Variants in MGAM observed in about 807,000 individuals in gnomAD.
MGAM encodes the protein maltase-glucoamylase.
Under a neutral mutation model 358.8 loss-of-function variants are expected in MGAM, and 253 were observed. That is an observed-to-expected ratio of 0.71 (90% CI 0.64 to 0.78). MGAM has a LOEUF of 0.78. Ranked by LOEUF, MGAM falls within the 30% of genes least tolerant of loss-of-function variation. The probability of loss-of-function intolerance (pLI) is 0.00; values close to 1 mark genes in which losing one functional copy is unlikely to be tolerated. For synonymous variants in MGAM, 1,105 were observed against 1,227.1 expected (o/e 0.90, Z 2.08); for missense variants, 3,080 against 3,432.6 (o/e 0.90, Z 2.57).
chr7:142,062,255 G>T (rs1156389862), intron 34 of MGAM, among the ~76,000 whole-genome samples: 3 of 152,172 alleles, frequency 2.0e-5, no homozygotes, highest in Non-Finnish European at 2.9e-5. Flanking sequence ...ATAGGAAATG[G>T]CAGGACTGAC....
rs913182592 is a variant in MGAM, at chr7:142,105,923, A to G, written c.*32A>G. ...ACAGCAAGATTCTAACTAACTATGA[A>G]TGACTTTGAAACTACTTATACTTCA... On this transcript the variant is annotated 3_prime_UTR_variant, in exon 71 of 71. Coordinates refer to ENST00000475668, the MANE Select transcript of MGAM (RefSeq NM_001365693.1). The G allele has an allele frequency of 6.6e-7, 1 of 1,512,284 alleles. No homozygotes were observed. 93.7% of individuals were successfully genotyped at this position (1,512,284 alleles called of 1,614,324 possible). A position where few individuals can be genotyped will look rare whatever the true frequency, so the allele number is the denominator to read the frequency against.
chr7:141,994,857 C>T (rs781911067), upstream of MGAM, among the ~76,000 whole-genome samples: 3 of 152,194 alleles, frequency 2.0e-5, no homozygotes, highest in Non-Finnish European at 4.4e-5. Flanking sequence ...CTGAGGCCTT[C>T]CCACCCTTGC....
chr7:142,015,914 G>GT lies in MGAM; in HGVS notation c.328-3277dup, dbSNP rs201874672. 6.1e-4 allele frequency among the ~76,000 whole-genome samples: 93 copies of GT among 151,596 alleles called. 1 individual carries two copies. The highest frequency in any genetic ancestry group is 1.7e-3 in the African/African-American group (72 of 41,344). ...TTATATGGTATACTTTTTAAAATGA[G>GT]TTTTTTTTAATGAATCACACAAGTA... is the stretch of plus-strand genomic sequence containing the variant. On this transcript the variant is annotated intron_variant, in intron 3 of 70. Transcript: ENST00000475668.
chr7:142,056,054 G>A lies in MGAM; in HGVS notation c.3538G>A (p.Gly1180Ser), dbSNP rs201783917. The A allele has an allele frequency of 4.7e-5, 75 of 1,611,516 alleles. No homozygotes were observed. Among genetic ancestry groups the A allele is most frequent in the Non-Finnish European group, 5.3e-5 (62 of 1,179,022 alleles). The stretch of plus-strand genomic sequence containing the variant: ...CTACTACATGGGGCTGGAGGAGGAC[G>A]GCAGTGCCCATGGAGTGCTCCTGCT... The part of the protein sequence containing the change: ...HPYYMGLEED[G>S]SAHGVLLLNS... The change falls in exon 29 of 71, where the codon GGC (glycine) becomes AGC (serine). Residue 1180 changes from glycine (G) to serine (S), a missense_variant. Transcript: ENST00000475668.
intron 1 of MGAM, among the ~76,000 whole-genome samples, chr7:141,998,736 T>C (rs113473250): frequency 0.14 from 21,580 of 152,194 alleles, 1,716 homozygotes; most frequent in Middle Eastern, 0.26. Context: ...TGTGTCTTTA[T>C]AGTAGAATGA....
chr7:142,082,690 T>C, intron 52 of MGAM, 119 bp downstream of exon 52: 2 of 819,324 alleles, frequency 2.4e-6, no homozygotes, highest in Non-Finnish European at 3.8e-6. Flanking sequence ...CGGGCACTGC[T>C]GTTTATTTTT....
intron 57 of MGAM, among the ~76,000 whole-genome samples, chr7:142,091,241 ACT>A (rs1815356632): frequency 8.0e-6 from 1 of 125,350 alleles, no homozygotes; most frequent in Admixed American, 8.8e-5. Context: ...ACAGAGCAAG[ACT>A]CTGTCTCAAA....
intron 1 of MGAM, among the ~76,000 whole-genome samples, chr7:142,002,443 A>G (rs1804807565): frequency 6.6e-6 from 1 of 152,194 alleles, no homozygotes; most frequent in South Asian, 2.1e-4. Flanking sequence ...AATGTGATTC[A>G]TCACACAAAC....
chr7:142,096,428 G>T lies in MGAM; in HGVS notation c.7692+13G>T, dbSNP rs1308692159. The stretch of plus-strand genomic sequence containing the variant: ...TGTCCTGGAGCGTGTGAGTATGGAG[G>T]CCTCCGATGAGGGGAGGATCCCAGC... On this transcript the variant is annotated intron_variant, in intron 65 of 70. Transcript: ENST00000475668. The T allele has an allele frequency of 6.2e-7, 1 of 1,613,524 alleles. No individual in the cohort carries two copies. Among genetic ancestry groups the T allele is most frequent in the African/African-American group, 1.3e-5 (1 of 74,918 alleles).
intron 20 of MGAM, 179 bp from the exon 21 acceptor site, chr7:142,040,543 C>T: frequency 1.3e-6 from 1 of 786,644 alleles, no homozygotes; most frequent in Non-Finnish European, 2.0e-6. Context: ...CACAAACCCC[C>T]AACTGGTAGC....
intron 31 of MGAM, 118 bp downstream of exon 31, chr7:142,058,446 T>G: frequency 6.6e-7 from 1 of 1,517,414 alleles, no homozygotes; most frequent in Non-Finnish European, 8.8e-7. Flanking sequence ...TTTCAGACAA[T>G]ATCACAGTTA....
At chr7:142,057,553 T>G (rs1811682099) in intron 30 of MGAM, among the ~76,000 whole-genome samples, 1 of 79,324 alleles carries the variant, frequency 1.3e-5, no homozygotes, top group Non-Finnish European at 2.4e-5. Context: ...GTGGGGGTGG[T>G]AGTGGGGGGT....
intron 4 of MGAM, among the ~76,000 whole-genome samples, chr7:142,019,835 G>A (rs782710900): frequency 1.3e-5 from 2 of 152,144 alleles, no homozygotes; most frequent in Non-Finnish European, 2.9e-5. Context: ...TTGGGAGGCC[G>A]AGGTGGATAG....
chr7:142,050,169 T>G, intron 22 of MGAM, 66 bp from the exon 23 acceptor site: 1 of 1,496,886 alleles, frequency 6.7e-7, no homozygotes, highest in South Asian at 1.1e-5. Context: ...AAAGGAGTGG[T>G]AGGGTGAAAT....
Position 142,005,524 on chromosome 7 carries a change from T to C in MGAM, c.-2-5T>C. Reference sequence around the variant, plus strand: ...AATCTAAAATTGTTTTCTCTTACATTTTAGAGATGGCAAGAAAGAAGCTGA... The same window carrying C: ...AATCTAAAATTGTTTTCTCTTACATCTTAGAGATGGCAAGAAAGAAGCTGA... On this transcript the variant is annotated splice_polypyrimidine_tract_variant and splice_region_variant and intron_variant, in intron 1 of 70. Transcript: ENST00000475668. The C allele has an allele frequency of 6.6e-7, 1 of 1,522,848 alleles. No homozygotes were observed. Among genetic ancestry groups the C allele is most frequent in the Non-Finnish European group, 8.8e-7 (1 of 1,135,380 alleles). The allele number at this position is 1,522,848 out of a possible 1,614,324, so 94.3% of individuals were successfully genotyped here.
At chr7:142,070,882 G>A in intron 43 of MGAM, 112 bp from the exon 44 acceptor site, 2 of 1,365,930 alleles carry the variant, frequency 1.5e-6, no homozygotes, top group Non-Finnish European at 2.0e-6. Context: ...TGTTGCAAAG[G>A]GTGATGAACA....
At chr7:142,014,198 T>C (rs1805801141) in intron 3 of MGAM, among the ~76,000 whole-genome samples, 1 of 152,210 alleles carries the variant, frequency 6.6e-6, no homozygotes, top group Non-Finnish European at 1.5e-5. Context: ...TAGTAAAATG[T>C]GTTTGACACA....
chr7:141,994,309 G>A (rs1454252219), upstream of MGAM, among the ~76,000 whole-genome samples: 3 of 152,178 alleles, frequency 2.0e-5, no homozygotes, highest in Non-Finnish European at 4.4e-5. Context: ...CACAGTGTTG[G>A]CCAAACAAGA....
Position 142,034,352 on chromosome 7 carries a change from G to A in MGAM, c.1760G>A (p.Gly587Asp), listed in dbSNP as rs782205661. The A allele has an allele frequency of 1.0e-5, 16 of 1,590,150 alleles. No homozygotes were observed. The Admixed American group carries it at 1.4e-4, about 14-fold the overall frequency. Reference protein sequence around the residue: ...GKQYDIHNLYGYSMAVATAEA... With the variant: ...GKQYDIHNLYDYSMAVATAEA... ...CAGTATGACATTCACAATCTGTATG[G>A]CTACTCCATGGCGGTCGCCACAGCA... The change falls in exon 15 of 71, where the codon GGC (glycine) becomes GAC (aspartate). Residue 587 changes from glycine to aspartate, a missense_variant. Around this residue, in one of 5 missense-constraint regions of MGAM, gnomAD observed 1,816 missense variants for 1,840.5 expected, o/e 0.99. Transcript: ENST00000475668.
Sources: gnomAD v4.1 joint callset for allele counts (sites outside exome capture counted in the v4.1 genomes callset) on GRCh38, gnomAD v4.1.1 for gene constraint, gnomAD v4.1.1 regional missense constraint, MANE v1.5 for transcripts, NCBI Gene and HGNC (gene_info 2026-07-23, HGNC 2026-07-21) for gene names.